The following PDE6A variants were observed in gnomAD, a reference collection of about 807,000 sequenced individuals.
The protein encoded by PDE6A is rod cGMP-specific 3',5'-cyclic phosphodiesterase subunit alpha.
Under a neutral mutation model 106.3 loss-of-function variants are expected in PDE6A, and 84 were observed. The observed-to-expected ratio is 0.79, with a 90% CI of 0.66 to 0.95. The LOEUF is 0.95. Among genes scored for constraint, PDE6A ranks in the 40% least tolerant of loss-of-function variants. The pLI is 0.00. For synonymous variants in PDE6A, 394 were observed against 386.6 expected (o/e 1.02, Z -0.23); for missense variants, 1,052 against 1,084.9 (o/e 0.97, Z 0.43).
chr5:149,911,184 A>G (rs1375810060), intron 6 of PDE6A, among the ~76,000 whole-genome samples: 1 of 152,144 alleles, frequency 6.6e-6, no homozygotes, highest in Non-Finnish European at 1.5e-5. Flanking sequence ...CCCGGCAACA[A>G]GCCAGTTTCA....
intron 7 of PDE6A, among the ~76,000 whole-genome samples, chr5:149,905,886 C>G (rs971127307): frequency 6.6e-6 from 1 of 152,122 alleles, no homozygotes; most frequent in Non-Finnish European, 1.5e-5. Flanking sequence ...GAGACAGGGT[C>G]TCCCTCTGTT....
At chr5:149,902,450 A>G (rs1280527667) in intron 8 of PDE6A, among the ~76,000 whole-genome samples, 2 of 151,946 alleles carry the variant, frequency 1.3e-5, no homozygotes, top group African/African-American at 4.8e-5. Flanking sequence ...CACTGTAGCA[A>G]GTGTTAACAT....
intron 1 of PDE6A, among the ~76,000 whole-genome samples, chr5:149,943,082 C>T (rs1206669315): frequency 1.3e-5 from 2 of 152,062 alleles, no homozygotes; most frequent in East Asian, 1.9e-4. Flanking sequence ...CTTTCCCTTC[C>T]CATGAGGCCA....
intron 6 of PDE6A, among the ~76,000 whole-genome samples, chr5:149,914,692 A>G (rs1443834773): frequency 2.0e-5 from 3 of 148,514 alleles, no homozygotes; most frequent in East Asian, 3.9e-4. Context: ...ACCTGACATT[A>G]ATCAGTTATT....
At position 149,886,279 on chromosome 5, in the gene PDE6A, G is replaced by C. The variant is rs773601046; in HGVS notation, c.1824C>G (p.Asn608Lys). 1.1e-5 allele frequency: 17 copies of C among 1,612,682 alleles called. No individual in the cohort carries two copies. The Admixed American group carries it at 1.7e-4, about 16-fold the overall frequency. ...GGCTGACTCACTTCATCTGGTAGAG[G>C]TTATTGGTGCCTCTGTGGTCAATGT... Reference protein sequence around the residue: ...CHDIDHRGTNNLYQMKSQNPL... With the variant: ...CHDIDHRGTNKLYQMKSQNPL... The change falls in exon 14 of 22, where the codon AAC (asparagine) becomes AAG (lysine). Residue 608 changes from asparagine to lysine, a missense_variant. Physicochemically the swap from Asn to Lys is moderately conservative, Grantham distance 94. Coordinates refer to ENST00000255266, the MANE Select transcript of PDE6A (RefSeq NM_000440.3).
At chr5:149,882,296 C>G (rs1285528540) in intron 17 of PDE6A, among the ~76,000 whole-genome samples, 1 of 151,952 alleles carries the variant, frequency 6.6e-6, no homozygotes, top group Non-Finnish European at 1.5e-5. Context: ...GTCTCCTCTT[C>G]TCTGTTGCAG....
In PDE6A at chr5:149,893,166, G is replaced by T. The variant is rs112072908; in HGVS notation, c.1728+2017C>A. ...GATCTTTCATGATCTAGAACCCAAA[G>T]ATTAGGTCTTTTGGAAATTACACCA... is the stretch of plus-strand genomic sequence containing the variant. On this transcript the variant is annotated intron_variant, in intron 13 of 21. Transcript: ENST00000255266. Among the ~76,000 whole-genome samples the T allele has an allele frequency of 1.1e-4, 17 of 152,286 alleles. 1 individual carries two copies. Among genetic ancestry groups the T allele is most frequent in the African/African-American group, 4.1e-4 (17 of 41,556 alleles).
At position 149,898,345 on chromosome 5, in the gene PDE6A, G is replaced by A. The variant is rs144188232; in HGVS notation, c.1407+18C>T. 1.9e-6 allele frequency: 3 copies of A among 1,611,738 alleles called. No homozygotes were observed. The highest frequency in any genetic ancestry group is 3.3e-5 in the Admixed American group (2 of 59,986). On this transcript the variant is annotated intron_variant, in intron 10 of 21. Coordinates refer to ENST00000255266, the MANE Select transcript of PDE6A (RefSeq NM_000440.3). ...GCAGTCTGTATTAGAGTAGAAACAA[G>A]TAAAGAACATTACACACCAAGATTT...
At chr5:149,879,414 T>A (rs1208104226) in intron 17 of PDE6A, among the ~76,000 whole-genome samples, 2 of 146,782 alleles carry the variant, frequency 1.4e-5, no homozygotes, top group Non-Finnish European at 3.0e-5. Context: ...TTTTTTTTTT[T>A]TAGGTTTTTT....
chr5:149,939,647 A>G (rs779777013), intron 1 of PDE6A, among the ~76,000 whole-genome samples: 1 of 152,238 alleles, frequency 6.6e-6, no homozygotes, highest in Non-Finnish European at 1.5e-5. Context: ...TTCTACAACA[A>G]TGCTGTGGGG....
At chr5:149,879,514 C>T (rs924469050) in intron 17 of PDE6A, among the ~76,000 whole-genome samples, 15 of 150,812 alleles carry the variant, frequency 9.9e-5, no homozygotes, top group Non-Finnish European at 1.3e-4. Context: ...CATGCTGGTG[C>T]ACTGCACCCA....
intron 4 of PDE6A, among the ~76,000 whole-genome samples, chr5:149,922,264 A>C (rs1374919633): frequency 6.6e-6 from 1 of 151,940 alleles, no homozygotes; most frequent in African/African-American, 2.4e-5. Flanking sequence ...GTTCAATTAT[A>C]TATAGAAACT....
intron 17 of PDE6A, among the ~76,000 whole-genome samples, chr5:149,882,390 C>T (rs1267732193): frequency 6.6e-6 from 1 of 152,034 alleles, no homozygotes; most frequent in Non-Finnish European, 1.5e-5. Flanking sequence ...GCTTCCTAGG[C>T]AACTAGTCAG....
chr5:149,914,346 G>T (rs1753486254), intron 6 of PDE6A, among the ~76,000 whole-genome samples: 1 of 152,184 alleles, frequency 6.6e-6, no homozygotes, highest in South Asian at 2.1e-4. Flanking sequence ...TTTGGTCAGT[G>T]TTGATCTTGG....
At chr5:149,943,195 C>T (rs562976167) in intron 1 of PDE6A, among the ~76,000 whole-genome samples, 30 of 152,218 alleles carry the variant, frequency 2.0e-4, no homozygotes, top group African/African-American at 5.3e-4. Flanking sequence ...CCTGGGTACT[C>T]GAGACTGGAG....
chr5:149,886,690 A>T (rs780042715), intron 13 of PDE6A, among the ~76,000 whole-genome samples: 13 of 152,278 alleles, frequency 8.5e-5, no homozygotes, highest in South Asian at 8.3e-4. Context: ...GGTCGAGCAT[A>T]TTGGATCAGA....
intron 4 of PDE6A, among the ~76,000 whole-genome samples, chr5:149,928,225 A>ATTTTTT (rs1753921949): frequency 3.6e-5 from 1 of 28,068 alleles, no homozygotes; most frequent in South Asian, 7.8e-4. Context: ...ATATATATAT[A>ATTTTTT]TATATATTTT....
intron 3 of PDE6A, 118 bp from the exon 4 acceptor site, chr5:149,931,286 A>G (rs918438991): frequency 2.2e-6 from 2 of 927,472 alleles, no homozygotes; most frequent in African/African-American, 3.3e-5. Flanking sequence ...TACCCTTCAC[A>G]ATAATCCAGA....
intron 10 of PDE6A, among the ~76,000 whole-genome samples, chr5:149,898,007 G>C (rs1025164920): frequency 6.6e-6 from 1 of 152,128 alleles, no homozygotes; most frequent in Non-Finnish European, 1.5e-5. Context: ...GGTTGACTCT[G>C]TCTCCAGTAG....
Sources: gnomAD v4.1 joint callset for allele counts (sites outside exome capture counted in the v4.1 genomes callset) on GRCh38, gnomAD v4.1.1 for gene constraint, MANE v1.5 for transcripts, NCBI Gene and HGNC (gene_info 2026-07-23, HGNC 2026-07-21) for gene names.